The following ATF7IP2 variants were observed in gnomAD, a reference collection of about 807,000 sequenced individuals.
The protein encoded by ATF7IP2 is activating transcription factor 7 interacting protein 2, also known as activating transcription factor 7-interacting protein 2.
In ATF7IP2, 42 loss-of-function variants were observed where a neutral mutation model predicts 64.2. The observed-to-expected ratio is 0.65, with a 90% CI of 0.51 to 0.85. The LOEUF (loss-of-function observed/expected upper bound fraction) is 0.85, where lower values mean the gene tolerates loss of function less well. Ranked by LOEUF, ATF7IP2 falls within the 40% of genes least tolerant of loss-of-function variation. The pLI is 0.00. For missense variants in ATF7IP2, 933 were observed against 784.2 expected (o/e 1.19, Z -2.27); for synonymous variants, 308 against 272.8 (o/e 1.13, Z -1.27).
rs137856984 is a variant in ATF7IP2 at position 10,461,493 on chromosome 16, C to T, written c.1352+3964C>T. Among the ~76,000 whole-genome samples, 461 of 152,144 alleles carry T rather than the reference C, an allele frequency of 3.0e-3. 2 individuals are homozygous for T. Among genetic ancestry groups the T allele is most frequent in the African/African-American group, 0.011 (445 of 41,540 alleles). On this transcript the variant is annotated intron_variant, in intron 9 of 13. Transcript: ENST00000562102. The stretch of plus-strand genomic sequence containing the variant: ...AAAAAGAAATTACCCTAAATCTATA[C>T]GGTGGAATGTTGCAAATGAATGAAA...
chr16:10,430,669 A>G lies in ATF7IP2; in HGVS notation c.49A>G (p.Thr17Ala). 6.2e-7 allele frequency: 1 copy of G among 1,614,148 alleles called. No homozygotes were observed. Among genetic ancestry groups the G allele is most frequent in the South Asian group, 1.1e-5 (1 of 91,066 alleles). The change falls in exon 5 of 14, where the codon ACA becomes GCA. Residue 17 changes from threonine (T) to alanine (A), a missense_variant. Physicochemically the swap from Thr to Ala is moderately conservative, Grantham distance 58 (BLOSUM62 0). Coordinates refer to ENST00000562102, the MANE Select transcript of ATF7IP2 (RefSeq NM_001393719.1). ...SKRKILKAKK[T>A]MPLSCRKQVE... The stretch of plus-strand genomic sequence containing the variant: ...ACGGAAGATATTAAAAGCCAAAAAG[A>G]CAATGCCCCTAAGTTGCCGGAAGCA...
intron 9 of ATF7IP2, among the ~76,000 whole-genome samples, chr16:10,465,098 G>A (rs1273061667): frequency 6.6e-6 from 1 of 152,144 alleles, no homozygotes; most frequent in Non-Finnish European, 1.5e-5. Context: ...CCAAAGTGGT[G>A]GAATTACAGG....
intron 8 of ATF7IP2, among the ~76,000 whole-genome samples, chr16:10,443,165 G>A (rs1033364313): frequency 3.9e-5 from 6 of 152,166 alleles, no homozygotes; most frequent in Non-Finnish European, 5.9e-5. Flanking sequence ...ACATCCACTC[G>A]AGGATGAGTA....
chr16:10,400,925 C>T (rs1322464908), intron 1 of ATF7IP2, among the ~76,000 whole-genome samples: 2 of 151,960 alleles, frequency 1.3e-5, no homozygotes, highest in Admixed American at 6.6e-5. Context: ...CTCAGGTGAT[C>T]CACCCGCCTC....
At chr16:10,391,965 CTTTGTGTTG>C (rs1438770193) in intron 1 of ATF7IP2, among the ~76,000 whole-genome samples, 2 of 150,250 alleles carry the variant, frequency 1.3e-5, no homozygotes, top group Non-Finnish European at 3.0e-5. Context: ...ACTATAAGAA[CTTTGTGTTG>C]ACAAATTTTA....
At chr16:10,402,671 C>T (rs2047558145) in intron 1 of ATF7IP2, among the ~76,000 whole-genome samples, 1 of 152,042 alleles carries the variant, frequency 6.6e-6, no homozygotes, top group Non-Finnish European at 1.5e-5. Context: ...CACCATGTTG[C>T]CAGACTGGTT....
intron 6 of ATF7IP2, among the ~76,000 whole-genome samples, chr16:10,434,305 G>A (rs1332952223): frequency 6.6e-6 from 1 of 152,144 alleles, no homozygotes; most frequent in African/African-American, 2.4e-5. Context: ...TGGTTATACT[G>A]AGGACGGGTT....
At chr16:10,424,904 G>A (rs562090619) in intron 3 of ATF7IP2, among the ~76,000 whole-genome samples, 197 of 152,218 alleles carry the variant, frequency 1.3e-3, no homozygotes, top group African/African-American at 4.5e-3. Context: ...AAGTTGTTCC[G>A]GCCATTTTGG....
At chr16:10,478,500 T>G (rs1293758930) in intron 12 of ATF7IP2, among the ~76,000 whole-genome samples, 1 of 152,064 alleles carries the variant, frequency 6.6e-6, no homozygotes, top group African/African-American at 2.4e-5. Flanking sequence ...TACAAAAATT[T>G]ATTCAAGATG....
chr16:10,450,641 T>A lies in ATF7IP2; in HGVS notation c.1195-6731T>A, dbSNP rs2048953836. 2.0e-5 allele frequency among the ~76,000 whole-genome samples: 3 copies of A among 148,374 alleles called. No homozygotes were observed. The Admixed American group carries it at 2.0e-4, about 10-fold the overall frequency. ...CAGAGACTAGGATTGCAACCCCTGC[T>A]TTTTTTTTTGTTTTCCATTTGCTTG... On this transcript the variant is annotated intron_variant, in intron 8 of 13. Coordinates refer to ENST00000562102, the MANE Select transcript of ATF7IP2 (RefSeq NM_001393719.1).
intron 2 of ATF7IP2, among the ~76,000 whole-genome samples, chr16:10,417,958 G>A (rs375886339): frequency 4.1e-4 from 62 of 152,318 alleles, no homozygotes; most frequent in South Asian, 3.1e-3. Flanking sequence ...CACGTCGGTC[G>A]TGGAGACCCT....
Position 10,473,947 on chromosome 16 carries a change from A to G in ATF7IP2, c.1507A>G (p.Ile503Val), listed in dbSNP as rs765339884. 4.5e-6 allele frequency: 7 copies of G among 1,547,688 alleles called. No homozygotes were observed. Among genetic ancestry groups the G allele is most frequent in the Non-Finnish European group, 5.3e-6 (6 of 1,140,030 alleles). ...VMAVQKKLDS[I>V]IDLTKEGLSN... ...GGCTGTACAGAAGAAACTTGATTCT[A>G]TAATTGATTTGACAAAAGAAGGCCT... Residue 503 changes from isoleucine (I) to valine (V), a missense_variant, in exon 12 of 14, where the codon ATA becomes GTA. Transcript: ENST00000562102.
chr16:10,415,176 T>C (rs1206051829), intron 2 of ATF7IP2, among the ~76,000 whole-genome samples: 1 of 152,098 alleles, frequency 6.6e-6, no homozygotes, highest in Non-Finnish European at 1.5e-5. Flanking sequence ...CCAACACTAT[T>C]CTGAACAAAA....
chr16:10,393,411 T>G (rs900046286), intron 1 of ATF7IP2, among the ~76,000 whole-genome samples: 2 of 149,270 alleles, frequency 1.3e-5, no homozygotes, highest in African/African-American at 5.0e-5. Flanking sequence ...AGCCAAAAAG[T>G]GAAAGGCAGA....
In ATF7IP2 at chr16:10,431,887, G is replaced by A. The variant is rs1296530612; in HGVS notation, c.835+432G>A. On this transcript the variant is annotated intron_variant, in intron 5 of 13. Coordinates refer to ENST00000562102, the MANE Select transcript of ATF7IP2 (RefSeq NM_001393719.1). ...CGCTCAGGCTGGAGTGCAGTGGCGCGATCTTGGCTCACTGCAACCCCCACC... is the reference window on the plus strand; with the variant it reads ...CGCTCAGGCTGGAGTGCAGTGGCGCAATCTTGGCTCACTGCAACCCCCACC... Among the ~76,000 whole-genome samples the A allele has an allele frequency of 1.1e-4, 16 of 147,694 alleles. No individual in the cohort carries two copies. In the South Asian group the frequency reaches 1.9e-3, roughly 18 times the overall value.
intron 2 of ATF7IP2, among the ~76,000 whole-genome samples, chr16:10,415,124 C>T (rs954510727): frequency 6.6e-6 from 1 of 152,126 alleles, no homozygotes. Flanking sequence ...ATAGAGAAAA[C>T]AATCCTAAAA....
At chr16:10,425,731 T>A (rs1365257122) in intron 3 of ATF7IP2, among the ~76,000 whole-genome samples, 2 of 151,858 alleles carry the variant, frequency 1.3e-5, no homozygotes, top group Non-Finnish European at 2.9e-5. Flanking sequence ...CCATCTCTAT[T>A]AAAAATACAA....
intron 8 of ATF7IP2, among the ~76,000 whole-genome samples, chr16:10,454,887 A>G (rs558954210): frequency 1.3e-5 from 2 of 152,144 alleles, no homozygotes; most frequent in Non-Finnish European, 2.9e-5. Context: ...ACTTCTAGGT[A>G]TTTTATTTTT....
intron 3 of ATF7IP2, among the ~76,000 whole-genome samples, chr16:10,424,232 C>T (rs574585545): frequency 5.3e-5 from 8 of 152,260 alleles, no homozygotes; most frequent in Non-Finnish European, 1.0e-4. Flanking sequence ...CAACCTTCAG[C>T]GTGGGCATCA....
Sources: gnomAD v4.1 joint callset for allele counts (sites outside exome capture counted in the v4.1 genomes callset) on GRCh38, gnomAD v4.1.1 for gene constraint, MANE v1.5 for transcripts, NCBI Gene and HGNC (gene_info 2026-07-23, HGNC 2026-07-21) for gene names.